Variants in PARD3 observed in about 807,000 individuals in gnomAD.
PARD3 encodes par-3 family cell polarity regulator.
PARD3 carries 75 observed loss-of-function variants against 155.4 expected under a neutral mutation model. The observed-to-expected ratio is 0.48, with a 90% confidence interval of 0.40 to 0.58. The LOEUF (loss-of-function observed/expected upper bound fraction) is 0.58. Ranked by LOEUF, PARD3 falls within the 20% of genes least tolerant of loss-of-function variation. PARD3 has a pLI of 0.00. For missense variants in PARD3, 1,642 were observed against 1,721.7 expected, an observed-to-expected ratio of 0.95 and a Z score of 0.82; for synonymous variants, 576 against 610.5, an observed-to-expected ratio of 0.94 and a Z score of 0.83.
chr10:34,386,817 C>CAAA (rs79015033), intron 7 of PARD3, among the ~76,000 whole-genome samples: 6 of 85,520 alleles, frequency 7.0e-5, no homozygotes, highest in African/African-American at 2.7e-4. Context: ...AAACTCCGTC[C>CAAA]AAAAAAAAAA....
intron 1 of PARD3, among the ~76,000 whole-genome samples, chr10:34,797,608 A>G (rs1364335067): frequency 6.6e-6 from 1 of 152,220 alleles, no homozygotes; most frequent in African/African-American, 2.4e-5. Context: ...TATTCTGTCC[A>G]CTACTCAGAA....
chr10:34,668,100 C>G (rs973517889), intron 2 of PARD3, among the ~76,000 whole-genome samples: 1 of 152,100 alleles, frequency 6.6e-6, no homozygotes, highest in Non-Finnish European at 1.5e-5. Context: ...GTAACTACCA[C>G]GGGTTCGTAA....
intron 7 of PARD3, among the ~76,000 whole-genome samples, chr10:34,398,429 G>T (rs905811983): frequency 2.0e-5 from 3 of 151,784 alleles, no homozygotes; most frequent in Non-Finnish European, 4.4e-5. Context: ...CCACTTTTTC[G>T]CACCATGTAA....
At chr10:34,476,206 A>G (rs1338192951) in intron 3 of PARD3, among the ~76,000 whole-genome samples, 3 of 152,242 alleles carry the variant, frequency 2.0e-5, no homozygotes, top group Admixed American at 6.5e-5. Context: ...CGACATCATC[A>G]CACAAAATGT....
chr10:34,244,302 T>C (rs2133683758), intron 22 of PARD3, among the ~76,000 whole-genome samples: 1 of 152,330 alleles, frequency 6.6e-6, no homozygotes, highest in South Asian at 2.1e-4. Context: ...TAAGGGATAA[T>C]ATATTTCTTA....
At chr10:34,160,805 A>G (rs1949239633) in intron 22 of PARD3, among the ~76,000 whole-genome samples, 1 of 152,226 alleles carries the variant, frequency 6.6e-6, no homozygotes, top group Non-Finnish European at 1.5e-5. Flanking sequence ...CAGTGTCGCC[A>G]TTAACTTACC....
chr10:34,590,578 A>C (rs2088586364), intron 2 of PARD3, among the ~76,000 whole-genome samples: 1 of 152,194 alleles, frequency 6.6e-6, no homozygotes. Flanking sequence ...CAAGGGAAAC[A>C]CCAGCTTTTG....
intron 3 of PARD3, among the ~76,000 whole-genome samples, chr10:34,499,143 C>CT (rs559800604): frequency 1.7e-4 from 26 of 148,734 alleles, no homozygotes; most frequent in African/African-American, 4.4e-4. Context: ...AGTACATGTT[C>CT]TTTTTTTTTT....
At chr10:34,220,319 T>C (rs190223454) in intron 22 of PARD3, among the ~76,000 whole-genome samples, 38 of 152,238 alleles carry the variant, frequency 2.5e-4, no homozygotes, top group African/African-American at 8.9e-4. Flanking sequence ...CTGATAGCTT[T>C]TGAAAAAGTA....
intron 2 of PARD3, among the ~76,000 whole-genome samples, chr10:34,635,526 G>A (rs556718401): frequency 6.6e-6 from 1 of 152,284 alleles, no homozygotes; most frequent in South Asian, 2.1e-4. Flanking sequence ...CAGAACTAAG[G>A]GAGATAGTAA....
chr10:34,157,743 A>G (rs532173151), intron 22 of PARD3, among the ~76,000 whole-genome samples: 3 of 152,332 alleles, frequency 2.0e-5, no homozygotes, highest in Admixed American at 2.0e-4. Context: ...CACATGCCCA[A>G]ATGAAGCACT....
intron 2 of PARD3, among the ~76,000 whole-genome samples, chr10:34,649,578 C>G (rs1222215894): frequency 6.6e-6 from 1 of 152,208 alleles, no homozygotes; most frequent in Non-Finnish European, 1.5e-5. Context: ...ATGAATGGAG[C>G]TTGCGGGACT....
intron 2 of PARD3, among the ~76,000 whole-genome samples, chr10:34,536,497 T>C (rs2133845371): frequency 6.6e-6 from 1 of 152,322 alleles, no homozygotes; most frequent in African/African-American, 2.4e-5. Flanking sequence ...TTATCTTTAA[T>C]CTCTCAGTTT....
Position 34,653,868 on chromosome 10 carries a change from C to T in PARD3, c.222+42450G>A, listed in dbSNP as rs113108080. 7.0e-4 allele frequency among the ~76,000 whole-genome samples: 107 copies of T among 151,882 alleles called. 1 individual carries two copies. Among genetic ancestry groups the T allele is most frequent in the African/African-American group, 2.5e-3 (104 of 41,432 alleles). On this transcript the variant is annotated intron_variant, in intron 2 of 24. Coordinates refer to ENST00000374788, the MANE Select transcript of PARD3 (RefSeq NM_001184785.2). ...TCATTCCAGAAGACCCTGAGATAGC[C>T]TCAGCATGTCCACTGGCTTAGATTT...
At chr10:34,580,894 G>A (rs2087386735) in intron 2 of PARD3, among the ~76,000 whole-genome samples, 1 of 152,198 alleles carries the variant, frequency 6.6e-6, no homozygotes, top group Admixed American at 6.5e-5. Context: ...ATTTTTAGCT[G>A]ACTCATAAGG....
intron 15 of PARD3, chr10:34,345,146 C>A: frequency 1.0e-6 from 1 of 985,152 alleles, no homozygotes; most frequent in Non-Finnish European, 1.2e-6. Context: ...AGGAAATAGC[C>A]AAAAACAAAG....
intron 2 of PARD3, among the ~76,000 whole-genome samples, chr10:34,656,503 T>G (rs1440617474): frequency 6.6e-6 from 1 of 152,218 alleles, no homozygotes; most frequent in Non-Finnish European, 1.5e-5. Context: ...GATAAAGATG[T>G]TCGGAAGAAG....
rs1441418008 is a variant in PARD3 at position 34,605,306 on chromosome 10, C to T, written c.223-88147G>A. ...CTCCGGGGTTCACGCCATTCTCCTG[C>T]CTCAGCCTCCCGAGTAGCTGGGACT... On this transcript the variant is annotated intron_variant, in intron 2 of 24. Transcript: ENST00000374788. Among the ~76,000 whole-genome samples the T allele has an allele frequency of 2.1e-5, 3 of 146,230 alleles. No homozygotes were observed. The East Asian group carries it at 6.2e-4, about 30-fold the overall frequency.
rs532547811 is a variant in PARD3 at position 34,751,709 on chromosome 10, TCCC to T, written c.121-55293_121-55291del. Among the ~76,000 whole-genome samples the T allele has an allele frequency of 8.0e-5, 12 of 150,680 alleles. No homozygotes were observed. The South Asian group carries it at 2.5e-3, about 32-fold the overall frequency. On this transcript the variant is annotated intron_variant, in intron 1 of 24. Coordinates refer to ENST00000374788, the MANE Select transcript of PARD3 (RefSeq NM_001184785.2). ...GCCTCGACTTCCCAGGCTCAAGCAA[TCCC>T]CCCACTTCAGCCCCTCAAGTAGCTG...
Sources: allele counts gnomAD v4.1 joint callset (sites outside exome capture counted in the v4.1 genomes callset), GRCh38; gene constraint gnomAD v4.1.1; transcripts MANE v1.5; gene names NCBI Gene and HGNC (gene_info 2026-07-23, HGNC 2026-07-21).